DNM3: variants seen among roughly 807,000 people sequenced by gnomAD.
DNM3 encodes the protein dynamin 3, also known as dynamin-3.
A neutral mutation model predicts 101.6 loss-of-function variants in DNM3; 47 were observed. That is an observed-to-expected ratio of 0.46 (90% CI 0.37 to 0.59). The LOEUF (loss-of-function observed/expected upper bound fraction) is 0.59. DNM3 is among the 20% of genes least tolerant of loss of function. DNM3 has a pLI of 0.00. For missense variants in DNM3, 849 were observed against 1,085.7 expected (o/e 0.78, Z 3.06); for synonymous variants, 385 against 387.9 (o/e 0.99, Z 0.09).
chr1:171,971,707 A>G (rs1207793682), intron 2 of DNM3, among the ~76,000 whole-genome samples: 3 of 152,174 alleles, frequency 2.0e-5, no homozygotes, highest in Non-Finnish European at 2.9e-5. Flanking sequence ...AGGCTTGCTA[A>G]AAAAACAAAA....
At position 172,068,816 on chromosome 1, in the gene DNM3, C is replaced by T. The variant is rs754325737; in HGVS notation, c.1336-3C>T. On this transcript the variant is annotated splice_polypyrimidine_tract_variant and splice_region_variant and intron_variant, in intron 10 of 20. Transcript: ENST00000627582. ...TAATACTCAGATCTGCTTTTCTTGA[C>T]AGCTGGCAAACTTCCCCAGACTCTG... The T allele has an allele frequency of 1.7e-5, 27 of 1,565,932 alleles. No homozygotes were observed. The highest frequency in any genetic ancestry group is 1.7e-4 in the Middle Eastern group (1 of 6,000).
At chr1:172,250,305 T>C (rs550948557) in intron 14 of DNM3, among the ~76,000 whole-genome samples, 1 of 152,150 alleles carries the variant, frequency 6.6e-6, no homozygotes, top group South Asian at 2.1e-4. Flanking sequence ...TGGGAAAAGA[T>C]GTATTTGGAA....
At chr1:171,944,339 GTATTTATTTATTTATT>G (rs60936293) in intron 2 of DNM3, among the ~76,000 whole-genome samples, 81 of 147,058 alleles carry the variant, frequency 5.5e-4, no homozygotes, top group African/African-American at 1.0e-3. Flanking sequence ...TTTAAACAAT[GTATTTATTTATTTATT>G]TATTTATTTA....
At chr1:171,872,401 A>T (rs2035377635) in intron 1 of DNM3, among the ~76,000 whole-genome samples, 1 of 152,160 alleles carries the variant, frequency 6.6e-6, no homozygotes, top group Non-Finnish European at 1.5e-5. Context: ...GGTCTTCCTA[A>T]AGAGTTTATG....
chr1:172,164,502 C>T (rs1572790496), intron 14 of DNM3, among the ~76,000 whole-genome samples: 2 of 151,866 alleles, frequency 1.3e-5, no homozygotes, highest in South Asian at 2.1e-4. Flanking sequence ...TCTGGCCAGC[C>T]AGGCCAGACC....
rs200660313 is a variant in DNM3 at position 172,388,844 on chromosome 1, G to A, written c.2522+35G>A. On this transcript the variant is annotated intron_variant, in intron 20 of 20. Coordinates refer to ENST00000627582, the MANE Select transcript of DNM3 (RefSeq NM_015569.5). ...GGAGCAGAAATTGGGGGGGTAGTGC[G>A]CCTTGGTTCTCTTCTCATAGAATGA... 2.2e-5 allele frequency: 32 copies of A among 1,480,542 alleles called. No individual in the cohort carries two copies. The African/African-American group carries it at 2.9e-4, about 14-fold the overall frequency. 91.7% of individuals were successfully genotyped at this position (1,480,542 alleles called of 1,614,324 possible).
chr1:171,957,319 T>TGGG (rs1221315958), intron 2 of DNM3, among the ~76,000 whole-genome samples: 1 of 151,000 alleles, frequency 6.6e-6, no homozygotes, highest in African/African-American at 2.4e-5. Context: ...TGCTTCAGCC[T>TGGG]CCTGAGTAGC....
intron 14 of DNM3, among the ~76,000 whole-genome samples, chr1:172,190,097 G>A (rs1228173772): frequency 6.6e-6 from 1 of 150,650 alleles, no homozygotes; most frequent in East Asian, 2.0e-4. Context: ...TCCCATGTTG[G>A]TGTGCTGTAC....
intron 14 of DNM3, among the ~76,000 whole-genome samples, chr1:172,166,381 G>C (rs10911144): frequency 1.3e-5 from 2 of 151,906 alleles, no homozygotes; most frequent in African/African-American, 4.8e-5. Flanking sequence ...CATCACTAAA[G>C]TACCTCACGA....
intron 17 of DNM3, among the ~76,000 whole-genome samples, chr1:172,360,515 C>T (rs1055335842): frequency 1.3e-5 from 2 of 151,942 alleles, no homozygotes; most frequent in Admixed American, 6.6e-5. Flanking sequence ...TATTTTAATC[C>T]GTTTTCTTAA....
At chr1:172,298,218 C>A (rs2064258947) in intron 15 of DNM3, among the ~76,000 whole-genome samples, 2 of 152,156 alleles carry the variant, frequency 1.3e-5, no homozygotes, top group African/African-American at 4.8e-5. Context: ...TGATGGACTG[C>A]TGTGATTGCT....
At chr1:172,241,232 T>C (rs1037908760) in intron 14 of DNM3, among the ~76,000 whole-genome samples, 1 of 121,940 alleles carries the variant, frequency 8.2e-6, no homozygotes, top group African/African-American at 3.5e-5. Flanking sequence ...TATGTATATA[T>C]ACATAGATGT....
At chr1:171,845,846 G>GA (rs1260466499) in intron 1 of DNM3, among the ~76,000 whole-genome samples, 1 of 152,132 alleles carries the variant, frequency 6.6e-6, no homozygotes, top group Non-Finnish European at 1.5e-5. Context: ...AAAATGACAC[G>GA]CTTGTTAGAA....
At chr1:172,259,329 T>A (rs1282518355) in intron 15 of DNM3, among the ~76,000 whole-genome samples, 2 of 152,086 alleles carry the variant, frequency 1.3e-5, no homozygotes, top group African/African-American at 4.8e-5. Flanking sequence ...TGATCTGTCT[T>A]ATGCTTAGAG....
At chr1:172,205,556 G>A (rs2060294674) in intron 14 of DNM3, among the ~76,000 whole-genome samples, 1 of 151,934 alleles carries the variant, frequency 6.6e-6, no homozygotes, top group Non-Finnish European at 1.5e-5. Context: ...ATACATTTTT[G>A]TGAAAAAAAT....
intron 12 of DNM3, among the ~76,000 whole-genome samples, chr1:172,091,796 T>A (rs1357016323): frequency 6.6e-6 from 1 of 152,166 alleles, no homozygotes; most frequent in Non-Finnish European, 1.5e-5. Context: ...CTCTGGTGTC[T>A]GTTAAGAATA....
intron 1 of DNM3, among the ~76,000 whole-genome samples, chr1:171,904,196 C>T (rs1327851107): frequency 6.6e-6 from 1 of 151,582 alleles, no homozygotes; most frequent in Non-Finnish European, 1.5e-5. Flanking sequence ...CCTGTAGTCC[C>T]AGCTACTCGG....
chr1:172,027,585 A>AACACACACACACAC (rs61620821), intron 4 of DNM3, among the ~76,000 whole-genome samples: 20 of 141,514 alleles, frequency 1.4e-4, no homozygotes, highest in South Asian at 4.8e-4. Context: ...TGTCTCAAGA[A>AACACACACACACAC]ACACACACAC....
intron 11 of DNM3, 101 bp downstream of exon 11, chr1:172,069,006 GAA>G: frequency 1.1e-6 from 1 of 905,686 alleles, no homozygotes; most frequent in Non-Finnish European, 1.7e-6. Context: ...TCGCTTAAAG[GAA>G]AAAAAAATAG....
Sources: allele counts gnomAD v4.1 joint callset (sites outside exome capture counted in the v4.1 genomes callset), GRCh38; gene constraint gnomAD v4.1.1; transcripts MANE v1.5; gene names NCBI Gene and HGNC (gene_info 2026-07-23, HGNC 2026-07-21).